Variants in COL4A4 observed in about 807,000 individuals in gnomAD.
The protein encoded by COL4A4 is collagen alpha-4(IV) chain.
In COL4A4, 105 loss-of-function variants were observed where a neutral mutation model predicts 192.9. The observed-to-expected ratio is 0.54, with a 90% CI of 0.46 to 0.64. The LOEUF (loss-of-function observed/expected upper bound fraction) is 0.64, where lower values mean the gene tolerates loss of function less well. Among genes scored for constraint, COL4A4 ranks in the 30% least tolerant of loss-of-function variants. COL4A4 has a pLI of 0.00. For synonymous variants in COL4A4, 762 were observed against 769.9 expected (o/e 0.99, Z 0.17); for missense variants, 1,967 against 2,169.3 (o/e 0.91, Z 1.85).
intron 44 of COL4A4, among the ~76,000 whole-genome samples, chr2:227,013,327 T>C (rs1391377657): frequency 6.6e-6 from 1 of 152,164 alleles, no homozygotes; most frequent in African/African-American, 2.4e-5. Context: ...TATGGGCTGA[T>C]TTGTGTACCC....
Position 227,108,790 on chromosome 2 carries a change from T to C in COL4A4, c.693+43A>G, listed in dbSNP as rs138960238. The C allele has an allele frequency of 2.8e-4, 451 of 1,602,588 alleles. 5 individuals are homozygous for C. In the East Asian group the frequency reaches 8.6e-3, roughly 31 times the overall value. On this transcript the variant is annotated intron_variant, in intron 11 of 47. Coordinates refer to ENST00000396625, the MANE Select transcript of COL4A4 (RefSeq NM_000092.5). Reference sequence around the variant, plus strand: ...CAAATATCAGTGGTCAACCATTTCATTGTTCAGGGCTCTATTGATGTATCT... The same window carrying C: ...CAAATATCAGTGGTCAACCATTTCACTGTTCAGGGCTCTATTGATGTATCT...
chr2:227,059,728 G>T (rs1976418824), intron 27 of COL4A4, 105 bp from the exon 28 acceptor site: 6 of 883,434 alleles, frequency 6.8e-6, no homozygotes, highest in Admixed American at 6.4e-5. Context: ...AAACACAGGG[G>T]TACTTACTAA....
chr2:227,011,317 G>A (rs561527544), intron 45 of COL4A4, among the ~76,000 whole-genome samples: 4 of 152,334 alleles, frequency 2.6e-5, no homozygotes, highest in African/African-American at 7.2e-5. Context: ...AGACGACAAA[G>A]TGGTAGCCTG....
Position 227,141,334 on chromosome 2 carries a change from C to A in COL4A4, c.115-1096G>T, listed in dbSNP as rs10498219. Among the ~76,000 whole-genome samples the A allele has an allele frequency of 1.8e-3, 279 of 152,254 alleles. 10 individuals carry two copies. In the East Asian group the frequency reaches 0.048, roughly 26 times the overall value. Reference sequence around the variant, plus strand: ...AGGCTGTAAACTCAAGCCTTTAGACCACTGTATGATGGGAAAACATAAAAC... The same window carrying A: ...AGGCTGTAAACTCAAGCCTTTAGACAACTGTATGATGGGAAAACATAAAAC... On this transcript the variant is annotated intron_variant, in intron 3 of 47. Coordinates refer to ENST00000396625, the MANE Select transcript of COL4A4 (RefSeq NM_000092.5).
chr2:227,131,150 T>TC (rs2062434500), intron 4 of COL4A4, among the ~76,000 whole-genome samples: 3 of 134,116 alleles, frequency 2.2e-5, no homozygotes, highest in South Asian at 2.3e-4. Flanking sequence ...CTTTTTTTTT[T>TC]TTTTCTTTCT....
At chr2:227,155,887 C>T (rs571649736) in intron 1 of COL4A4, among the ~76,000 whole-genome samples, 1 of 152,190 alleles carries the variant, frequency 6.6e-6, no homozygotes, top group Admixed American at 6.5e-5. Context: ...CTAAAAATTA[C>T]ACTTCGCCAT....
chr2:227,047,429 A>G (rs1973117744), intron 35 of COL4A4, 46 bp downstream of exon 35: 13 of 1,378,734 alleles, frequency 9.4e-6, no homozygotes, highest in East Asian at 2.3e-5. Context: ...TGCTTTTCAA[A>G]CTAAACTACT....
rs1160374451 is a variant in COL4A4, at chr2:227,078,456, T to C, written c.1804-379A>G. 2.0e-5 allele frequency among the ~76,000 whole-genome samples: 3 copies of C among 152,264 alleles called. No individual in the cohort carries two copies. The East Asian group carries it at 5.8e-4, about 29-fold the overall frequency. On this transcript the variant is annotated intron_variant, in intron 24 of 47. Coordinates refer to ENST00000396625, the MANE Select transcript of COL4A4 (RefSeq NM_000092.5). ...CTGAGTTTCGCCATGTTGGCCAGGC[T>C]GGTCTCAAACCCCTGACCTCCACCT...
rs1165722583 is a variant in COL4A4 at position 227,144,570 on chromosome 2, C to T, written c.72-12G>A. 2 of 1,587,186 alleles carry T rather than the reference C, an allele frequency of 1.3e-6. No homozygotes were observed. The highest frequency in any genetic ancestry group is 2.2e-5 in the East Asian group (1 of 44,662). ...TGAGTATAAGTGACCTACAGAAAAA[C>T]AAAAACGCAGATTAATTTAAACAGT... is the stretch of plus-strand genomic sequence containing the variant. On this transcript the variant is annotated splice_polypyrimidine_tract_variant and intron_variant, in intron 2 of 47. Transcript: ENST00000396625.
intron 25 of COL4A4, among the ~76,000 whole-genome samples, chr2:227,068,301 T>C (rs2058478252): frequency 6.6e-6 from 1 of 152,214 alleles, no homozygotes; most frequent in Non-Finnish European, 1.5e-5. Flanking sequence ...AAGGAGGAAC[T>C]GGTACCATTC....
chr2:227,100,997 A>T (rs1317207895), intron 17 of COL4A4, among the ~76,000 whole-genome samples: 1 of 151,790 alleles, frequency 6.6e-6, no homozygotes, highest in East Asian at 1.9e-4. Flanking sequence ...TTTAGTAGAG[A>T]CGGGGTTTCA....
chr2:227,049,553 T>A (rs1973602290), intron 34 of COL4A4, among the ~76,000 whole-genome samples: 1 of 151,974 alleles, frequency 6.6e-6, no homozygotes. Flanking sequence ...AAAATAATAA[T>A]AATAATAAAA....
At position 227,069,438 on chromosome 2, in the gene COL4A4, C is replaced by T. The variant is rs768510886; in HGVS notation, c.1988-6840G>A. On this transcript the variant is annotated intron_variant, in intron 25 of 47. Transcript: ENST00000396625. The stretch of plus-strand genomic sequence containing the variant: ...CAATCCTAAGCCAAAAGAACAAAGC[C>T]GGAGGCATCACACTACCTGACTTCA... 5.5e-3 allele frequency among the ~76,000 whole-genome samples: 830 copies of T among 151,936 alleles called. 4 individuals are homozygous for T. Among genetic ancestry groups the T allele is most frequent in the Non-Finnish European group, 8.5e-3 (580 of 67,932 alleles).
intron 8 of COL4A4, 22 bp downstream of exon 8, chr2:227,114,606 C>A: frequency 1.2e-6 from 2 of 1,605,976 alleles, no homozygotes; most frequent in Non-Finnish European, 1.7e-6. Flanking sequence ...ATTTTTTAAC[C>A]CATCATGATC....
intron 14 of COL4A4, 23 bp from the exon 15 acceptor site, chr2:227,102,871 G>A (rs1265643982): frequency 1.3e-6 from 2 of 1,585,720 alleles, no homozygotes; most frequent in South Asian, 1.1e-5. Context: ...ACAACATTTA[G>A]AGGGGTTCAA....
intron 35 of COL4A4, among the ~76,000 whole-genome samples, chr2:227,045,833 C>CACATATATATAT (rs1559487703): frequency 3.0e-5 from 1 of 33,612 alleles, no homozygotes; most frequent in African/African-American, 1.7e-4. Flanking sequence ...TATATATATA[C>CACATATATATAT]ACACATATAT....
rs140849849 is a variant in COL4A4 at position 227,133,643 on chromosome 2, G to A, written c.192+6518C>T. Among the ~76,000 whole-genome samples the A allele has an allele frequency of 4.6e-3, 702 of 152,304 alleles. 1 individual carries two copies. Among genetic ancestry groups the A allele is most frequent in the South Asian group, 0.018 (88 of 4,822 alleles). ...GTGGTGGCTCACGCCTGTAATCCCA[G>A]CAGTTTGGGACGCTGAGGTTGGCAG... On this transcript the variant is annotated intron_variant, in intron 4 of 47. Transcript: ENST00000396625.
chr2:227,108,757 C>A, intron 11 of COL4A4, 76 bp downstream of exon 11: 2 of 1,533,284 alleles, frequency 1.3e-6, no homozygotes, highest in South Asian at 1.1e-5. Flanking sequence ...GGAAAGCCAT[C>A]ATTCTGACAA....
At chr2:227,109,309 C>A (rs1559646527) in intron 9 of COL4A4, 23 bp from the exon 10 acceptor site, 1 of 1,590,968 alleles carries the variant, frequency 6.3e-7, no homozygotes, top group South Asian at 1.1e-5. Context: ...AAAATCAGTG[C>A]ATCTGTTACC....
Sources: gnomAD v4.1 joint callset for allele counts (sites outside exome capture counted in the v4.1 genomes callset) on GRCh38, gnomAD v4.1.1 for gene constraint, MANE v1.5 for transcripts, NCBI Gene and HGNC (gene_info 2026-07-23, HGNC 2026-07-21) for gene names.